VEGFB: variants seen among roughly 807,000 people sequenced by gnomAD.
The protein encoded by VEGFB is vascular endothelial growth factor B.
In VEGFB, 24 loss-of-function variants were observed where a neutral mutation model predicts 22.5. The ratio of observed to expected loss-of-function variants is 1.07; its 90% CI spans 0.77 to 1.50. The LOEUF is 1.50. VEGFB is among the 40% of genes most tolerant of loss of function. VEGFB has a pLI of 0.00. For missense variants in VEGFB, 327 were observed against 287.8 expected, an observed-to-expected ratio of 1.14 and a Z score of -0.99; for synonymous variants, 141 against 117.4, an observed-to-expected ratio of 1.20 and a Z score of -1.30.
At chr11:64,237,815 G>A in intron 6 of VEGFB, 160 bp downstream of exon 6, 1 of 658,646 alleles carries the variant, frequency 1.5e-6, no homozygotes. Context: ...ACCTGGAGCT[G>A]TATAAGCAAG....
chr11:64,237,600 C>G lies in VEGFB; in HGVS notation c.591C>G (p.Ala197=), dbSNP rs554782772. 8.2e-6 allele frequency: 13 copies of G among 1,588,460 alleles called. No individual in the cohort carries two copies. In the South Asian group the frequency reaches 1.1e-4, roughly 14 times the overall value. ...GACCTGCCGCTGCCGCTGCCGACGCCGCAGCTTCCTCCGTTGCCAAGGGCG... is the reference window on the plus strand; with the variant it reads ...GACCTGCCGCTGCCGCTGCCGACGCGGCAGCTTCCTCCGTTGCCAAGGGCG... The part of the protein sequence containing the change: ...TPGPAAAAAD[A]AASSVAKGGA Residue 197 remains alanine, a synonymous_variant, in exon 6 of 7, where the codon GCC becomes GCG. Transcript: ENST00000309422.
At chr11:64,235,672 G>C in intron 2 of VEGFB, 141 bp from the exon 3 acceptor site, 5 of 1,255,652 alleles carry the variant, frequency 4.0e-6, no homozygotes, top group Non-Finnish European at 5.6e-6. Flanking sequence ...TGGATAAACA[G>C]GGCAGGGGAA....
chr11:64,237,515 C>T lies in VEGFB; in HGVS notation c.506C>T (p.Thr169Ile), dbSNP rs764637591. ...TCCCCAGCTGACATCACCCATCCCA[C>T]TCCAGCCCCAGGCCCCTCTGCCCAC... ...APSPADITHP[T>I]PAPGPSAHAA... Residue 169 changes from threonine to isoleucine, a missense_variant, in exon 6 of 7, where the codon ACT becomes ATT. Thr to Ile is a moderately conservative substitution (Grantham distance 89). Transcript: ENST00000309422. 2.6e-5 allele frequency: 42 copies of T among 1,611,810 alleles called. No individual in the cohort carries two copies. Among genetic ancestry groups the T allele is most frequent in the Non-Finnish European group, 3.4e-5 (40 of 1,179,932 alleles).
In VEGFB at chr11:64,237,196, A is replaced by G. The variant is rs1230944562; in HGVS notation, c.384A>G (p.Lys128=). The G allele has an allele frequency of 2.5e-6, 4 of 1,605,812 alleles. No individual in the cohort carries two copies. The highest frequency in any genetic ancestry group is 4.5e-5 in the East Asian group (2 of 44,670). ...EHSQCECRPK[K]KDSAVKPDRA... is the part of the protein sequence containing the mutation. ...CTATCTTACTTTTCAGACCTAAAAA[A>G]AAGGACAGTGCTGTGAAGCCAGACA... The change falls in exon 5 of 7, where the codon AAA becomes AAG. Residue 128 remains lysine, a synonymous_variant. Transcript: ENST00000309422.
At chr11:64,237,127 G>GAGAGAGAGAGATATATATATAT (rs1565318108) in intron 4 of VEGFB, 60 bp from the exon 5 acceptor site, 1 of 813,042 alleles carries the variant, frequency 1.2e-6, no homozygotes, top group East Asian at 3.2e-5. Context: ...GAGAGAGTAG[G>GAGAGAGAGAGATATATATATAT]ATGCTGGGAT....
In VEGFB at chr11:64,237,404, C is replaced by G. The variant is rs201942734; in HGVS notation, c.411-16C>G. 9.5e-6 allele frequency: 15 copies of G among 1,573,560 alleles called. No individual in the cohort carries two copies. The East Asian group carries it at 3.4e-4, about 36-fold the overall frequency. ...CTCTTCCTTCCCACCCCAGACATGTCGCTTCTCCTCCCTAGGGCTGCCACT... is the reference window on the plus strand; with the variant it reads ...CTCTTCCTTCCCACCCCAGACATGTGGCTTCTCCTCCCTAGGGCTGCCACT... On this transcript the variant is annotated splice_polypyrimidine_tract_variant and intron_variant, in intron 5 of 6. Coordinates refer to ENST00000309422, the MANE Select transcript of VEGFB (RefSeq NM_003377.5).
chr11:64,235,390 C>A (rs2029922798), intron 1 of VEGFB, 68 bp from the exon 2 acceptor site: 1 of 1,483,094 alleles, frequency 6.7e-7, no homozygotes, highest in Non-Finnish European at 9.4e-7. Context: ...GGGCAAAGCC[C>A]CAGGGACGGT....
chr11:64,235,502 T>C lies in VEGFB; in HGVS notation c.103+2T>C. 6.2e-7 allele frequency: 1 copy of C among 1,613,798 alleles called. No homozygotes were observed. The highest frequency in any genetic ancestry group is 1.1e-5 in the South Asian group (1 of 91,082). On this transcript the variant is annotated splice_donor_variant, in intron 2 of 6. Coordinates refer to ENST00000309422, the MANE Select transcript of VEGFB (RefSeq NM_003377.5). LOFTEE classifies it high-confidence loss of function. ...ATGCCCCTGGCCACCAGAGGAAAGG[T>C]AATACTTACAAAAACTCGGCACTAG...
chr11:64,235,166 TG>T (rs1947233817), intron 1 of VEGFB, among the ~76,000 whole-genome samples: 2 of 152,040 alleles, frequency 1.3e-5, no homozygotes. Context: ...CCTGCTTCGG[TG>T]GGCACTGTGC....
chr11:64,235,861 AGGT>A lies in VEGFB; in HGVS notation c.160_162del (p.Val54del), dbSNP rs1170636745. 1.9e-6 allele frequency: 3 copies of A among 1,613,632 alleles called. No homozygotes were observed. The African/African-American group carries it at 4.0e-5, about 22-fold the overall frequency. ...ACTCGCGCTACCTGCCAGCCCCGGGAGGTGGTGGTGCCCTTGACTGTGGAGCTC... is the reference window on the plus strand; with the variant it reads ...ACTCGCGCTACCTGCCAGCCCCGGGAGGTGGTGCCCTTGACTGTGGAGCTC... On this transcript the variant is annotated inframe_deletion, in exon 3 of 7. Transcript: ENST00000309422.
chr11:64,237,976 C>T (rs952278630), intron 6 of VEGFB: 22 of 477,982 alleles, frequency 4.6e-5, no homozygotes, highest in African/African-American at 4.2e-4. Context: ...ATGTAGGACA[C>T]AGCTTTTCCA....
intron 3 of VEGFB, 26 bp from the exon 4 acceptor site, chr11:64,236,228 C>G (rs751028359): frequency 6.3e-7 from 1 of 1,597,498 alleles, no homozygotes; most frequent in African/African-American, 1.3e-5. Flanking sequence ...CCCTCACTGT[C>G]CCCCCTGTTC....
chr11:64,236,843 C>T (rs544928757), intron 4 of VEGFB, among the ~76,000 whole-genome samples: 4 of 148,944 alleles, frequency 2.7e-5, no homozygotes, highest in African/African-American at 7.4e-5. Flanking sequence ...CTTTGGGAGG[C>T]CCAGGCAGGC....
rs746699468 is a variant in VEGFB, at chr11:64,237,175, C to T, written c.375-12C>T. ...CTCTTGTTTGTCTGTGTCTGTCTAT[C>T]TTACTTTTCAGACCTAAAAAAAAGG... On this transcript the variant is annotated splice_polypyrimidine_tract_variant and intron_variant, in intron 4 of 6. Transcript: ENST00000309422. 3.3e-5 allele frequency: 52 copies of T among 1,598,596 alleles called. 2 individuals carry two copies. The East Asian group carries it at 4.5e-4, about 14-fold the overall frequency.
In VEGFB at chr11:64,235,000, C is replaced by A; in HGVS notation, c.60+107C>A. On this transcript the variant is annotated intron_variant, in intron 1 of 6. Transcript: ENST00000309422. The surrounding 1 kb of genome is among the most constrained non-coding windows in gnomAD (Gnocchi z 5.3). ...CTCGGCCGAGGGGATCTGCGGGGTC[C>A]GGCCTTGGACGCGGGCGTCTCGGGG... 1 of 955,830 alleles carries A rather than the reference C, an allele frequency of 1.0e-6. No individual in the cohort carries two copies. The highest frequency in any genetic ancestry group is 1.3e-6 in the Non-Finnish European group (1 of 741,204). 59.2% of individuals were successfully genotyped at this position (955,830 alleles called of 1,614,324 possible). A position where few individuals can be genotyped will look rare whatever the true frequency, so the allele number is the denominator to read the frequency against.
Position 64,237,415 on chromosome 11 carries a change from C to T in VEGFB, c.411-5C>T, listed in dbSNP as rs1305425803. 6.3e-7 allele frequency: 1 copy of T among 1,586,760 alleles called. No individual in the cohort carries two copies. On this transcript the variant is annotated splice_region_variant and splice_polypyrimidine_tract_variant and intron_variant, in intron 5 of 6. Coordinates refer to ENST00000309422, the MANE Select transcript of VEGFB (RefSeq NM_003377.5). Reference sequence around the variant, plus strand: ...CACCCCAGACATGTCGCTTCTCCTCCCTAGGGCTGCCACTCCCCACCACCG... The same window carrying T: ...CACCCCAGACATGTCGCTTCTCCTCTCTAGGGCTGCCACTCCCCACCACCG...
At chr11:64,237,704 G>C (rs1221706534) in intron 6 of VEGFB, 49 bp downstream of exon 6, 1 of 1,474,838 alleles carries the variant, frequency 6.8e-7, no homozygotes, top group East Asian at 2.5e-5. Context: ...CCAAGGCCCT[G>C]TCCTGGAGCA....
intron 3 of VEGFB, 53 bp from the exon 4 acceptor site, chr11:64,236,201 A>G: frequency 6.3e-7 from 1 of 1,599,670 alleles, no homozygotes; most frequent in Non-Finnish European, 8.6e-7. Flanking sequence ...GTCTTAGAGC[A>G]TCCCCTTTCT....
In VEGFB at chr11:64,237,457, G is replaced by A; in HGVS notation, c.448G>A (p.Val150Ile). The A allele has an allele frequency of 6.2e-7, 1 of 1,611,116 alleles. No homozygotes were observed. The highest frequency in any genetic ancestry group is 1.3e-5 in the African/African-American group (1 of 74,898). Reference sequence around the variant, plus strand: ...CCACCACCGTCCCCAGCCCCGTTCTGTTCCGGGCTGGGACTCTGCCCCCGG... The same window carrying A: ...CCACCACCGTCCCCAGCCCCGTTCTATTCCGGGCTGGGACTCTGCCCCCGG... The part of the protein sequence containing the change: ...TPHHRPQPRS[V>I]PGWDSAPGAP... The change falls in exon 6 of 7, where the codon GTT (valine) becomes ATT (isoleucine). Residue 150 changes from valine to isoleucine, a missense_variant. By Grantham distance (29) the Val-to-Ile change is conservative. Coordinates refer to ENST00000309422, the MANE Select transcript of VEGFB (RefSeq NM_003377.5).
Sources: allele counts gnomAD v4.1 joint callset (sites outside exome capture counted in the v4.1 genomes callset), GRCh38; gene constraint gnomAD v4.1.1; non-coding constraint Gnocchi (gnomAD v3.1); transcripts MANE v1.5; gene names NCBI Gene and HGNC (gene_info 2026-07-23, HGNC 2026-07-21).